Variants in XK observed in about 807,000 individuals in gnomAD.
XK encodes endoplasmic reticulum membrane adapter protein XK.
Under a neutral mutation model 14.0 loss-of-function variants are expected in XK, and 2 were observed. The ratio of observed to expected loss-of-function variants is 0.14; its 90% CI spans 0.06 to 0.45. The LOEUF (loss-of-function observed/expected upper bound fraction) is 0.45. Ranked by LOEUF, XK falls within the 20% of genes least tolerant of loss-of-function variation. The pLI is 0.98. For missense variants in XK, 235 were observed against 341.5 expected, an observed-to-expected ratio of 0.69 and a Z score of 2.46; for synonymous variants, 149 against 147.5, an observed-to-expected ratio of 1.01 and a Z score of -0.08.
rs185891430 is a variant in XK at position 37,720,644 on chromosome X, G to A, written c.509-6992G>A. ...CCAAATAATGTACATTGTACATTAA[G>A]TACATTAAGTACAATGTACATTAAG... On this transcript the variant is annotated intron_variant, in intron 2 of 2. Coordinates refer to ENST00000378616, the MANE Select transcript of XK (RefSeq NM_021083.4). Among the ~76,000 whole-genome samples the A allele has an allele frequency of 5.5e-4, 61 of 110,470 alleles. No homozygotes were observed. In the East Asian group the frequency reaches 0.015, roughly 27 times the overall value.
chrX:37,695,426 T>C, intron 2 of XK, among the ~76,000 whole-genome samples: 1 of 108,986 alleles, frequency 9.2e-6, no homozygotes. Flanking sequence ...TAAGAGCAGA[T>C]TTTGGTTAAG....
chrX:37,701,932 C>A (rs1392360148), intron 2 of XK, among the ~76,000 whole-genome samples: 1 of 111,825 alleles, frequency 8.9e-6, no homozygotes, highest in Non-Finnish European at 1.9e-5. Flanking sequence ...CTCCTCCTGC[C>A]TTGTGACTCG....
chrX:37,718,515 T>C (rs1403373065), intron 2 of XK, among the ~76,000 whole-genome samples: 1 of 112,220 alleles, frequency 8.9e-6, no homozygotes, highest in Middle Eastern at 4.2e-3. Flanking sequence ...AGATTGTGAC[T>C]ATGACAAATA....
At position 37,686,049 on chromosome X, in the gene XK, T is replaced by C. The variant is rs1556440116; in HGVS notation, c.88T>C (p.Ser30Pro). The change falls in exon 1 of 3, where the codon TCG (serine) becomes CCG (proline). Residue 30 changes from serine (S) to proline (P), a missense_variant. Ser to Pro is a moderately conservative substitution (Grantham distance 74, BLOSUM62 -1). Transcript: ENST00000378616. ...AALSLSSTYR[S>P]GGDRMWQALT... Reference sequence around the variant, plus strand: ...GCTCAGCCTGAGCAGCACCTACCGCTCGGGCGGGGACCGCATGTGGCAGGC... The same window carrying C: ...GCTCAGCCTGAGCAGCACCTACCGCCCGGGCGGGGACCGCATGTGGCAGGC... 1 of 1,211,176 alleles carries C rather than the reference T, an allele frequency of 8.3e-7. No individual in the cohort carries two copies. The highest frequency in any genetic ancestry group is 1.1e-6 in the Non-Finnish European group (1 of 895,349).
chrX:37,709,113 A>G lies in XK; in HGVS notation c.508+14565A>G, dbSNP rs1322855087. ...ACATACTTCCCTTATTTAATTCCACAGTGTGGCAGAAATGAACATGTTCAT... is the reference window on the plus strand; with the variant it reads ...ACATACTTCCCTTATTTAATTCCACGGTGTGGCAGAAATGAACATGTTCAT... On this transcript the variant is annotated intron_variant, in intron 2 of 2. Transcript: ENST00000378616. Among the ~76,000 whole-genome samples, 5 of 112,200 alleles carry G rather than the reference A, an allele frequency of 4.5e-5. No individual in the cohort carries two copies. The East Asian group carries it at 1.1e-3, about 25-fold the overall frequency.
chrX:37,727,404 G>A (rs782396017), intron 2 of XK, among the ~76,000 whole-genome samples: 3 of 111,283 alleles, frequency 2.7e-5, no homozygotes, highest in Admixed American at 9.5e-5. Context: ...GGGCGCTCTC[G>A]GGAGTATTAA....
rs1927050088 is a variant in XK at position 37,685,882 on chromosome X, C to A, written c.-80C>A. ...GGGGCTGGGCATGCTGGGAGCCCCT[C>A]GGGCAACGGCCGCCGCCGCCACAGC... On this transcript the variant is annotated 5_prime_UTR_variant, in exon 1 of 3. Coordinates refer to ENST00000378616, the MANE Select transcript of XK (RefSeq NM_021083.4). The A allele has an allele frequency of 1.8e-6, 2 of 1,104,816 alleles. No homozygotes were observed. The highest frequency in any genetic ancestry group is 2.4e-6 in the Non-Finnish European group (2 of 827,242). The allele number at this position is 1,104,816 out of a possible 1,213,427, so 91.0% of individuals were successfully genotyped here.
At chrX:37,704,624 T>C (rs1352623746) in intron 2 of XK, among the ~76,000 whole-genome samples, 1 of 110,910 alleles carries the variant, frequency 9.0e-6, no homozygotes, top group Non-Finnish European at 1.9e-5. Flanking sequence ...TAGCCTGAGG[T>C]CAGGAGTTCA....
rs1450329130 is a variant in XK at position 37,685,890 on chromosome X, GGCC to G, written c.-62_-60del. The G allele has an allele frequency of 6.2e-6, 7 of 1,128,252 alleles. No individual in the cohort carries two copies. In the East Asian group the frequency reaches 1.6e-4, roughly 26 times the overall value. 93.0% of individuals were successfully genotyped at this position (1,128,252 alleles called of 1,213,427 possible). ...GCATGCTGGGAGCCCCTCGGGCAAC[GGCC>G]GCCGCCGCCACAGCCACACAGCCGC... is the stretch of plus-strand genomic sequence containing the variant. On this transcript the variant is annotated 5_prime_UTR_variant, in exon 1 of 3. Transcript: ENST00000378616.
At chrX:37,695,902 G>A (rs902625182) in intron 2 of XK, among the ~76,000 whole-genome samples, 1 of 112,246 alleles carries the variant, frequency 8.9e-6, no homozygotes, top group Non-Finnish European at 1.9e-5. Flanking sequence ...AGCAACATCC[G>A]TGTTCTCTAA....
chrX:37,712,440 A>G (rs1167647890), intron 2 of XK, among the ~76,000 whole-genome samples: 4 of 112,159 alleles, frequency 3.6e-5, no homozygotes, highest in African/African-American at 1.3e-4. Flanking sequence ...ACATGATATA[A>G]GCTTATAAAC....
At chrX:37,703,696 G>T (rs1405591246) in intron 2 of XK, among the ~76,000 whole-genome samples, 2 of 111,898 alleles carry the variant, frequency 1.8e-5, no homozygotes, top group African/African-American at 3.2e-5. Flanking sequence ...TAGAATGATG[G>T]CCTGGCCTTC....
chrX:37,720,631 C>T (rs1030364072), intron 2 of XK, among the ~76,000 whole-genome samples: 1 of 110,553 alleles, frequency 9.0e-6, no homozygotes, highest in Non-Finnish European at 1.9e-5. Context: ...AAATAATGTA[C>T]ATTGTACATT....
At chrX:37,722,449 G>C in intron 2 of XK, among the ~76,000 whole-genome samples, 1 of 111,450 alleles carries the variant, frequency 9.0e-6, no homozygotes, top group African/African-American at 3.3e-5. Context: ...CAGGTGGGGA[G>C]ATCCCGGCTC....
chrX:37,686,080 C>T lies in XK; in HGVS notation c.119C>T (p.Thr40Met). The T allele has an allele frequency of 8.3e-7, 1 of 1,211,828 alleles. No homozygotes were observed. Among genetic ancestry groups the T allele is most frequent in the Non-Finnish European group, 1.1e-6 (1 of 895,519 alleles). ...GGGGACCGCATGTGGCAGGCGCTGA[C>T]GTTGCTTTTCTCGCTACTGCCTTGC... ...SGGDRMWQAL[T>M]LLFSLLPCAL... is the part of the protein sequence containing the mutation. Residue 40 changes from threonine (T) to methionine (M), a missense_variant, in exon 1 of 3, where the codon ACG becomes ATG. Coordinates refer to ENST00000378616, the MANE Select transcript of XK (RefSeq NM_021083.4).
chrX:37,722,433 G>A lies in XK; in HGVS notation c.509-5203G>A, dbSNP rs183624667. Among the ~76,000 whole-genome samples the A allele has an allele frequency of 5.4e-5, 6 of 111,732 alleles. No individual in the cohort carries two copies. The East Asian group carries it at 1.4e-3, about 26-fold the overall frequency. On this transcript the variant is annotated intron_variant, in intron 2 of 2. Transcript: ENST00000378616. ...TTTTTGAGGAGGCAAGTGATAGAGT[G>A]TAGTGCAGGTGGGGAGATCCCGGCT...
Position 37,694,550 on chromosome X carries a change from T to C in XK, c.508+2T>C. 8.4e-7 allele frequency: 1 copy of C among 1,187,706 alleles called. No homozygotes were observed. The highest frequency in any genetic ancestry group is 1.1e-6 in the Non-Finnish European group (1 of 881,991). On this transcript the variant is annotated splice_donor_variant, in intron 2 of 2. Transcript: ENST00000378616. LOFTEE classifies it high-confidence loss of function. ...AGCAGGACGTCACTGTTGGAAGAAG[T>C]ACGTGTATTTTTTATTTCTGCCTGC...
At chrX:37,706,268 A>G (rs1927524325) in intron 2 of XK, among the ~76,000 whole-genome samples, 1 of 111,906 alleles carries the variant, frequency 8.9e-6, no homozygotes, top group Admixed American at 9.5e-5. Context: ...GCTATCTATT[A>G]ATTAAAGTGA....
intron 2 of XK, among the ~76,000 whole-genome samples, chrX:37,708,577 C>T (rs1556446015): frequency 1.8e-5 from 2 of 112,152 alleles, no homozygotes; most frequent in Non-Finnish European, 1.9e-5. Context: ...CAAATTTACG[C>T]CAAAAGTAAT....
Sources: gnomAD v4.1 joint callset for allele counts (sites outside exome capture counted in the v4.1 genomes callset) on GRCh38, gnomAD v4.1.1 for gene constraint, MANE v1.5 for transcripts, NCBI Gene and HGNC (gene_info 2026-07-23, HGNC 2026-07-21) for gene names.